SDC4: variants seen among roughly 807,000 people sequenced by gnomAD.
SDC4 encodes the protein syndecan-4.
Under a neutral mutation model 20.5 loss-of-function variants are expected in SDC4, and 17 were observed. That is an observed-to-expected ratio of 0.83 (90% CI 0.57 to 1.25). The LOEUF (loss-of-function observed/expected upper bound fraction) is 1.25. SDC4 is among the 50% of genes most tolerant of loss of function. The probability of loss-of-function intolerance (pLI) is 0.00; values close to 1 mark genes in which losing one functional copy is unlikely to be tolerated. For synonymous variants in SDC4, 107 were observed against 105.3 expected (o/e 1.02, Z -0.10); for missense variants, 241 against 252.3 (o/e 0.96, Z 0.30).
chr20:45,336,405 C>T (rs190859170), intron 1 of SDC4, among the ~76,000 whole-genome samples: 2 of 152,150 alleles, frequency 1.3e-5, no homozygotes, highest in South Asian at 2.1e-4. Flanking sequence ...AGAGTGGGAC[C>T]CCCGTCTCAA....
chr20:45,330,285 G>A (rs925789350), intron 4 of SDC4, 81 bp downstream of exon 4: 3 of 1,301,684 alleles, frequency 2.3e-6, no homozygotes, highest in Non-Finnish European at 3.3e-6. Context: ...CATGGCTGGA[G>A]GCATCCCTGC....
intron 1 of SDC4, chr20:45,345,850 AGAG>A (rs1988023844): frequency 6.6e-6 from 1 of 152,244 alleles, no homozygotes; most frequent in Admixed American, 6.5e-5. Flanking sequence ...CCAGCCAAAC[AGAG>A]GAGAGGACAG....
intron 1 of SDC4, among the ~76,000 whole-genome samples, chr20:45,338,763 T>C (rs1987912110): frequency 6.6e-6 from 1 of 152,168 alleles, no homozygotes; most frequent in Non-Finnish European, 1.5e-5. Flanking sequence ...TGTTCATCCT[T>C]AACCCTTCAT....
At chr20:45,341,370 G>C (rs541245503) in intron 1 of SDC4, among the ~76,000 whole-genome samples, 14 of 152,032 alleles carry the variant, frequency 9.2e-5, no homozygotes, top group Non-Finnish European at 1.8e-4. Context: ...AACCAATCAG[G>C]TCCCTTCAGA....
At chr20:45,339,667 G>C (rs745567384) in intron 1 of SDC4, among the ~76,000 whole-genome samples, 6 of 152,196 alleles carry the variant, frequency 3.9e-5, no homozygotes, top group African/African-American at 7.2e-5. Context: ...TTGAGCCCAG[G>C]AGGTCGAGGT....
chr20:45,332,793 C>T (rs1335795043), intron 3 of SDC4, among the ~76,000 whole-genome samples: 2 of 152,184 alleles, frequency 1.3e-5, no homozygotes, highest in South Asian at 2.1e-4. Context: ...CAGGTTTCAT[C>T]GTGTTGCCCA....
At chr20:45,335,494 T>G (rs760075209) in intron 2 of SDC4, among the ~76,000 whole-genome samples, 4 of 137,636 alleles carry the variant, frequency 2.9e-5, no homozygotes, top group Non-Finnish European at 4.7e-5. Flanking sequence ...ACCCCCACCA[T>G]GCCCTGCAGA....
chr20:45,342,711 A>G lies in SDC4; in HGVS notation c.60+5614T>C, dbSNP rs2145716776. ...AAGGCTGGGAAGTGGGGGAGGGAGG[A>G]AGGATGGCTGTAGAAAGGTCAAAGC... is the stretch of plus-strand genomic sequence containing the variant. On this transcript the variant is annotated intron_variant, in intron 1 of 4. Transcript: ENST00000372733. Among the ~76,000 whole-genome samples the G allele has an allele frequency of 2.0e-5, 3 of 152,220 alleles. 1 individual carries two copies. Among genetic ancestry groups the G allele is most frequent in the Middle Eastern group, 6.8e-3 (2 of 294 alleles).
chr20:45,325,754 G>A lies in SDC4; in HGVS notation c.*1510C>T, dbSNP rs1260193568. 2 of 152,252 alleles carry A rather than the reference G, an allele frequency of 1.3e-5. No individual in the cohort carries two copies. Among genetic ancestry groups the A allele is most frequent in the Non-Finnish European group, 2.9e-5 (2 of 68,058 alleles). The allele number at this position is 152,252 out of a possible 1,614,324, so 9.4% of individuals were successfully genotyped here. A position where few individuals can be genotyped will look rare whatever the true frequency, so the allele number is the denominator to read the frequency against. Reference sequence around the variant, plus strand: ...ACATGCTCTCGCTGTCAGTACAGTAGCCATGAACTACATACAGTGACGCCT... The same window carrying A: ...ACATGCTCTCGCTGTCAGTACAGTAACCATGAACTACATACAGTGACGCCT... On this transcript the variant is annotated 3_prime_UTR_variant, in exon 5 of 5. Transcript: ENST00000372733.
At chr20:45,332,988 C>A in intron 3 of SDC4, 35 bp downstream of exon 3, 1 of 1,607,946 alleles carries the variant, frequency 6.2e-7, no homozygotes. Context: ...TATAGAGGAG[C>A]AAAGTGGAAG....
intron 1 of SDC4, among the ~76,000 whole-genome samples, chr20:45,337,865 T>C (rs78049229): frequency 0.087 from 13,271 of 152,210 alleles, 1,939 homozygotes; most frequent in African/African-American, 0.3. Context: ...TGCTGAACGC[T>C]TGGCACCCGT....
intron 3 of SDC4, 113 bp from the exon 4 acceptor site, chr20:45,330,677 C>T (rs1987764163): frequency 3.4e-6 from 3 of 883,146 alleles, no homozygotes; most frequent in Non-Finnish European, 5.3e-6. Context: ...TTCAGCTGAA[C>T]CATATGGTCC....
At position 45,330,355 on chromosome 20, in the gene SDC4, T is replaced by C; in HGVS notation, c.445+11A>G. ...CCTTCAAGGCATCTTATAAGCAGCA[T>C]GGGGACTTACCTGCCAGGACCTCCG... On this transcript the variant is annotated intron_variant, in intron 4 of 4. Transcript: ENST00000372733. 1 of 1,613,016 alleles carries C rather than the reference T, an allele frequency of 6.2e-7. No individual in the cohort carries two copies. Among genetic ancestry groups the C allele is most frequent in the Non-Finnish European group, 8.5e-7 (1 of 1,179,628 alleles).
rs995628121 is a variant in SDC4, at chr20:45,327,302, T to G, written c.559A>C (p.Ile187Leu). The G allele has an allele frequency of 1.2e-6, 2 of 1,614,164 alleles. No homozygotes were observed. The highest frequency in any genetic ancestry group is 4.5e-5 in the East Asian group (2 of 44,876). ...TCATTGGTGGGGGCTTTCTTGTAGA[T>G]GGGTTTCTTGCCCAGGTCATAGCTG... ...EGSYDLGKKP[I>L]YKKAPTNEFY... Residue 187 changes from isoleucine to leucine, a missense_variant, in exon 5 of 5, where the codon ATC (isoleucine) becomes CTC (leucine). Coordinates refer to ENST00000372733, the MANE Select transcript of SDC4 (RefSeq NM_002999.4).
intron 1 of SDC4, among the ~76,000 whole-genome samples, chr20:45,338,853 C>T (rs1987914130): frequency 6.6e-6 from 1 of 152,144 alleles, no homozygotes; most frequent in Non-Finnish European, 1.5e-5. Context: ...TGGATTCGAT[C>T]CTATTTCAAA....
At chr20:45,329,487 C>A (rs1279612522) in intron 4 of SDC4, among the ~76,000 whole-genome samples, 1 of 152,246 alleles carries the variant, frequency 6.6e-6, no homozygotes, top group African/African-American at 2.4e-5. Flanking sequence ...AAGCCAGGGT[C>A]AGGGCTGAGG....
At chr20:45,335,442 C>T (rs1456210643) in intron 2 of SDC4, among the ~76,000 whole-genome samples, 2 of 151,808 alleles carry the variant, frequency 1.3e-5, no homozygotes, top group Non-Finnish European at 2.9e-5. Context: ...GTCCTCCTTC[C>T]CCACTCCCAC....
chr20:45,337,309 GT>G (rs375986292), intron 1 of SDC4, among the ~76,000 whole-genome samples: 125 of 152,278 alleles, frequency 8.2e-4, no homozygotes, highest in African/African-American at 2.9e-3. Flanking sequence ...GAGAGTTGGG[GT>G]TTTTCATTAA....
At chr20:45,338,314 T>C (rs1043253299) in intron 1 of SDC4, among the ~76,000 whole-genome samples, 5 of 152,156 alleles carry the variant, frequency 3.3e-5, no homozygotes, top group African/African-American at 1.2e-4. Context: ...TGAACACATA[T>C]GTACACGGGG....
Sources: allele counts gnomAD v4.1 joint callset (sites outside exome capture counted in the v4.1 genomes callset), GRCh38; gene constraint gnomAD v4.1.1; transcripts MANE v1.5; gene names NCBI Gene and HGNC (gene_info 2026-07-23, HGNC 2026-07-21).